Variants in RSU1 observed in about 807,000 individuals in gnomAD.
RSU1 encodes Ras suppressor protein 1.
In RSU1, 26 loss-of-function variants were observed where a neutral mutation model predicts 31.1. The observed-to-expected ratio is 0.84, with a 90% CI of 0.61 to 1.16. RSU1 has a LOEUF of 1.16. RSU1 is among the 50% of genes most tolerant of loss of function. The probability of loss-of-function intolerance (pLI) is 0.00; values close to 1 mark genes in which losing one functional copy is unlikely to be tolerated. For synonymous variants in RSU1, 164 were observed against 136.3 expected, an observed-to-expected ratio of 1.20 and a Z score of -1.41; for missense variants, 320 against 339.1, an observed-to-expected ratio of 0.94 and a Z score of 0.44.
chr10:16,629,353 T>C (rs115415811), intron 8 of RSU1, among the ~76,000 whole-genome samples: 1,546 of 152,202 alleles, frequency 0.01, 29 homozygotes, highest in African/African-American at 0.035. Flanking sequence ...TGCCAATCTC[T>C]ACCTGTGCCA....
chr10:16,674,876 T>G lies in RSU1; in HGVS notation c.731+20147A>C, dbSNP rs1259613355. ...AGCGAAACTCCATCTCTACTAAAAA[T>G]ACAAAGATTAGCCAGGCGTGGTGGC... On this transcript the variant is annotated intron_variant, in intron 8 of 8. Coordinates refer to ENST00000345264, the MANE Select transcript of RSU1 (RefSeq NM_012425.4). Among the ~76,000 whole-genome samples, 8 of 152,012 alleles carry G rather than the reference T, an allele frequency of 5.3e-5. No homozygotes were observed. In the East Asian group the frequency reaches 1.6e-3, roughly 29 times the overall value.
chr10:16,707,088 C>T (rs1364524163), intron 7 of RSU1, among the ~76,000 whole-genome samples: 1 of 152,160 alleles, frequency 6.6e-6, no homozygotes, highest in East Asian at 1.9e-4. Context: ...TTCATACTTT[C>T]ATGGCTGAAT....
Position 16,787,055 on chromosome 10 carries a change from G to A in RSU1, c.110-4971C>T, listed in dbSNP as rs77791784. Among the ~76,000 whole-genome samples the A allele has an allele frequency of 7.9e-5, 12 of 152,254 alleles. No individual in the cohort carries two copies. In the East Asian group the frequency reaches 2.3e-3, roughly 30 times the overall value. ...GCTTGGTGACTGGCCAAGCACAGAA[G>A]ACAGTGCTTGATGTTTCTGCCCAGG... On this transcript the variant is annotated intron_variant, in intron 2 of 8. Transcript: ENST00000345264.
chr10:16,779,868 T>C (rs1321052942), intron 3 of RSU1, among the ~76,000 whole-genome samples: 1 of 152,206 alleles, frequency 6.6e-6, no homozygotes, highest in African/African-American at 2.4e-5. Flanking sequence ...TAAAGGATGC[T>C]AATTTGACCT....
At chr10:16,806,419 A>G (rs1426231154) in intron 2 of RSU1, among the ~76,000 whole-genome samples, 2 of 152,218 alleles carry the variant, frequency 1.3e-5, no homozygotes, top group Non-Finnish European at 2.9e-5. Context: ...GTGGCTTCAA[A>G]TCTGGGCTCT....
At chr10:16,606,374 G>A (rs1024666837) in intron 8 of RSU1, among the ~76,000 whole-genome samples, 2 of 152,022 alleles carry the variant, frequency 1.3e-5, no homozygotes, top group Non-Finnish European at 2.9e-5. Context: ...CTGACCTCAA[G>A]TGATCTCAGA....
intron 8 of RSU1, among the ~76,000 whole-genome samples, chr10:16,646,076 A>G (rs2131508967): frequency 7.0e-6 from 1 of 143,118 alleles, no homozygotes; most frequent in South Asian, 2.2e-4. Flanking sequence ...ACACACACAC[A>G]CACACACACA....
chr10:16,696,477 C>G (rs931401735), intron 7 of RSU1, among the ~76,000 whole-genome samples: 3 of 150,780 alleles, frequency 2.0e-5, no homozygotes, highest in Non-Finnish European at 4.4e-5. Flanking sequence ...TGCAACTATT[C>G]AGAAAAACAA....
intron 2 of RSU1, among the ~76,000 whole-genome samples, chr10:16,785,411 TATATATAC>T (rs1247770315): frequency 2.2e-5 from 3 of 134,136 alleles, no homozygotes; most frequent in African/African-American, 3.0e-5. Flanking sequence ...TCTTTCTATA[TATATATAC>T]ATATATACAT....
At chr10:16,672,146 A>C (rs1348173801) in intron 8 of RSU1, among the ~76,000 whole-genome samples, 1 of 144,422 alleles carries the variant, frequency 6.9e-6, no homozygotes, top group Admixed American at 6.8e-5. Flanking sequence ...AAAATACAAA[A>C]AAAAAAAAAA....
At chr10:16,598,628 G>A (rs1408808720) in intron 8 of RSU1, among the ~76,000 whole-genome samples, 1 of 152,190 alleles carries the variant, frequency 6.6e-6, no homozygotes, top group Admixed American at 6.5e-5. Flanking sequence ...CTCTGAAGAT[G>A]GGGAAAGGGG....
chr10:16,645,786 G>A (rs112062675), intron 8 of RSU1, among the ~76,000 whole-genome samples: 7,384 of 146,698 alleles, frequency 0.05, 725 homozygotes, highest in African/African-American at 0.18. Context: ...CAGCCTGGAC[G>A]ACAGAGCGAG....
intron 4 of RSU1, among the ~76,000 whole-genome samples, chr10:16,761,659 A>G (rs1228728354): frequency 6.6e-6 from 1 of 152,140 alleles, no homozygotes; most frequent in Non-Finnish European, 1.5e-5. Flanking sequence ...GATAAAGACC[A>G]TCCTGGCTAA....
rs749086834 is a variant in RSU1, at chr10:16,593,451, C to A, written c.777G>T (p.Lys259Asn). The change falls in exon 9 of 9, where the codon AAG (lysine) becomes AAT (asparagine). Residue 259 changes from lysine to asparagine, a missense_variant. By Grantham distance (94) the Lys-to-Asn change is moderately conservative. Coordinates refer to ENST00000345264, the MANE Select transcript of RSU1 (RefSeq NM_012425.4). ...TGATCTTTTTCGATTTGTCATTATT[C>A]TTCTTCGGTGGTTCTGGGTTGGCCT... is the stretch of plus-strand genomic sequence containing the variant. ...HMQANPEPPK[K>N]NNDKSKKISR... 6 of 1,614,068 alleles carry A rather than the reference C, an allele frequency of 3.7e-6. No homozygotes were observed. Among genetic ancestry groups the A allele is most frequent in the Middle Eastern group, 1.6e-4 (1 of 6,062 alleles).
chr10:16,768,380 T>G (rs1455187036), intron 3 of RSU1, among the ~76,000 whole-genome samples: 1 of 152,228 alleles, frequency 6.6e-6, no homozygotes, highest in Admixed American at 6.5e-5. Context: ...ATTAGGAAGC[T>G]TAGTCATGTA....
intron 8 of RSU1, among the ~76,000 whole-genome samples, chr10:16,692,272 AG>A (rs1263214317): frequency 1.3e-5 from 2 of 152,234 alleles, no homozygotes; most frequent in Non-Finnish European, 2.9e-5. Flanking sequence ...CAGTTAAAAT[AG>A]TCTGTAACAG....
At chr10:16,794,206 T>C (rs1196928151) in intron 2 of RSU1, among the ~76,000 whole-genome samples, 2 of 152,220 alleles carry the variant, frequency 1.3e-5, no homozygotes, top group Admixed American at 1.3e-4. Flanking sequence ...CAGCACATCA[T>C]GTGACTTCTT....
chr10:16,798,931 A>G (rs1011497199), intron 2 of RSU1, among the ~76,000 whole-genome samples: 2 of 152,158 alleles, frequency 1.3e-5, no homozygotes, highest in African/African-American at 2.4e-5. Context: ...AAAGAACACA[A>G]ATTTTTATGT....
intron 7 of RSU1, among the ~76,000 whole-genome samples, chr10:16,720,936 G>A (rs780021017): frequency 7.9e-5 from 12 of 152,088 alleles, no homozygotes; most frequent in Non-Finnish European, 1.6e-4. Flanking sequence ...GCAGTGAGCT[G>A]AGACTGCACC....
Sources: gnomAD v4.1 joint callset for allele counts (sites outside exome capture counted in the v4.1 genomes callset) on GRCh38, gnomAD v4.1.1 for gene constraint, MANE v1.5 for transcripts, NCBI Gene and HGNC (gene_info 2026-07-23, HGNC 2026-07-21) for gene names.